Variants in WLS observed in about 807,000 individuals in gnomAD.
WLS encodes the protein protein wntless homolog.
Under a neutral mutation model 62.8 loss-of-function variants are expected in WLS, and 23 were observed. The observed-to-expected ratio is 0.37, with a 90% CI of 0.26 to 0.52. WLS has a LOEUF of 0.52. Ranked by LOEUF, WLS falls within the 20% of genes least tolerant of loss-of-function variation. The probability of loss-of-function intolerance (pLI) is 0.92; values close to 1 mark genes in which losing one functional copy is unlikely to be tolerated. For missense variants in WLS, 615 were observed against 697.3 expected, an observed-to-expected ratio of 0.88 and a Z score of 1.33; for synonymous variants, 246 against 244.1, an observed-to-expected ratio of 1.01 and a Z score of -0.07.
At chr1:68,150,555 T>G (rs1646812544) in intron 5 of WLS, among the ~76,000 whole-genome samples, 199 bp from the exon 6 acceptor site, 1 of 152,214 alleles carries the variant, frequency 6.6e-6, no homozygotes, top group Admixed American at 6.5e-5. Context: ...TATACCAACC[T>G]TTCTATGGAA....
intron 11 of WLS, among the ~76,000 whole-genome samples, chr1:68,128,093 C>A (rs1393225320): frequency 2.6e-5 from 4 of 152,136 alleles, no homozygotes; most frequent in Non-Finnish European, 5.9e-5. Context: ...GCTGTTTTGG[C>A]AAGGGTCTAA....
chr1:68,154,200 C>T (rs1423209536), intron 4 of WLS, among the ~76,000 whole-genome samples: 3 of 152,106 alleles, frequency 2.0e-5, no homozygotes, highest in African/African-American at 7.2e-5. Flanking sequence ...TCCTCTATCT[C>T]TTAACACCTC....
chr1:68,198,382 A>G (rs980735203), intron 1 of WLS, among the ~76,000 whole-genome samples: 1 of 152,264 alleles, frequency 6.6e-6, no homozygotes. Flanking sequence ...TCTGTATTTC[A>G]ATACAGTATT....
At chr1:68,164,967 A>C (rs919572676) in intron 2 of WLS, among the ~76,000 whole-genome samples, 3 of 152,194 alleles carry the variant, frequency 2.0e-5, no homozygotes, top group Non-Finnish European at 4.4e-5. Flanking sequence ...GTCAGGGACC[A>C]AGCTGGCTAC....
At chr1:68,169,283 C>T (rs1247634906) in intron 2 of WLS, among the ~76,000 whole-genome samples, 1 of 152,222 alleles carries the variant, frequency 6.6e-6, no homozygotes, top group Non-Finnish European at 1.5e-5. Context: ...AAAACATCCA[C>T]TTACCCCTAT....
At chr1:68,152,649 G>A (rs1274169648) in intron 5 of WLS, among the ~76,000 whole-genome samples, 1 of 152,200 alleles carries the variant, frequency 6.6e-6, no homozygotes, top group Admixed American at 6.5e-5. Flanking sequence ...AGACTGGAAA[G>A]GACTCAAGAG....
intron 1 of WLS, chr1:68,231,865 G>C (rs753383400): frequency 2.5e-5 from 8 of 313,884 alleles, no homozygotes; most frequent in South Asian, 1.5e-4. Flanking sequence ...AGCGGGGGGG[G>C]GGGGGGGCGA....
downstream of WLS, among the ~76,000 whole-genome samples, chr1:68,121,742 T>C (rs747358652): frequency 3.9e-5 from 6 of 152,102 alleles, no homozygotes; most frequent in African/African-American, 7.2e-5. Context: ...TCAGCTTGAA[T>C]CAAGAAGATG....
intron 2 of WLS, chr1:68,186,498 A>C: frequency 2.5e-6 from 1 of 395,046 alleles, no homozygotes. Context: ...TGCCACGAAA[A>C]GTTAAAAAAA....
intron 11 of WLS, among the ~76,000 whole-genome samples, chr1:68,099,214 TA>T (rs917090183): frequency 6.6e-6 from 1 of 152,132 alleles, no homozygotes; most frequent in Non-Finnish European, 1.5e-5. Context: ...TATTTTTTTT[TA>T]TATGTCTTAT....
intron 1 of WLS, among the ~76,000 whole-genome samples, chr1:68,209,595 A>G (rs1370009148): frequency 1.3e-5 from 2 of 152,182 alleles, no homozygotes; most frequent in Non-Finnish European, 2.9e-5. Flanking sequence ...CCTGACCAAC[A>G]TGGAGAAAAC....
intron 11 of WLS, among the ~76,000 whole-genome samples, chr1:68,133,163 G>A (rs74081388): frequency 0.041 from 6,194 of 152,108 alleles, 146 homozygotes; most frequent in African/African-American, 0.058. Context: ...ATGTGCACGT[G>A]TGTGTGTGTA....
chr1:68,115,023 A>G (rs1321721861), intron 11 of WLS, among the ~76,000 whole-genome samples: 1 of 152,164 alleles, frequency 6.6e-6, no homozygotes. Flanking sequence ...TCTTCTCATA[A>G]TGCTGGTCTG....
chr1:68,172,667 G>A (rs1183256844), intron 2 of WLS, among the ~76,000 whole-genome samples: 1 of 152,142 alleles, frequency 6.6e-6, no homozygotes, highest in Non-Finnish European at 1.5e-5. Context: ...TAGCACAGAA[G>A]ACACAATCTT....
intron 6 of WLS, 36 bp from the exon 7 acceptor site, chr1:68,148,696 G>T: frequency 1.2e-6 from 2 of 1,600,906 alleles, no homozygotes; most frequent in South Asian, 2.2e-5. Context: ...AGATAGAGGG[G>T]AGAGGAAGAC....
intron 2 of WLS, among the ~76,000 whole-genome samples, chr1:68,165,364 A>AGTGAAGGG (rs1647045697): frequency 6.6e-6 from 1 of 152,086 alleles, no homozygotes; most frequent in South Asian, 2.1e-4. Flanking sequence ...AAGACTCCCA[A>AGTGAAGGG]GTGAAGGGGA....
At chr1:68,175,217 A>T (rs1387359810) in intron 2 of WLS, among the ~76,000 whole-genome samples, 1 of 152,232 alleles carries the variant, frequency 6.6e-6, no homozygotes. Context: ...ATGATTCCTA[A>T]GAGCTCACAT....
At chr1:68,145,719 C>T (rs1646744004) in intron 9 of WLS, 150 bp downstream of exon 9, 3 of 1,297,340 alleles carry the variant, frequency 2.3e-6, no homozygotes, top group Non-Finnish European at 3.1e-6. Flanking sequence ...TAAGATTTGG[C>T]CTCTAATTTT....
chr1:68,147,010 C>T (rs568249604), intron 8 of WLS, among the ~76,000 whole-genome samples: 2 of 152,072 alleles, frequency 1.3e-5, no homozygotes, highest in East Asian at 1.9e-4. Context: ...CTCAGCCTCC[C>T]GAGTAGCTGG....
Sources: gnomAD v4.1 joint callset for allele counts (sites outside exome capture counted in the v4.1 genomes callset) on GRCh38, gnomAD v4.1.1 for gene constraint, MANE v1.5 for transcripts, NCBI Gene and HGNC (gene_info 2026-07-23, HGNC 2026-07-21) for gene names.